Variants in PLCB3 observed in about 807,000 individuals in gnomAD.
The protein encoded by PLCB3 is 1-phosphatidylinositol 4,5-bisphosphate phosphodiesterase beta-3.
Under a neutral mutation model 152.1 loss-of-function variants are expected in PLCB3, and 54 were observed. The ratio of observed to expected loss-of-function variants is 0.36; its 90% CI spans 0.29 to 0.45. The LOEUF (loss-of-function observed/expected upper bound fraction) is 0.45, where lower values mean the gene tolerates loss of function less well. Among genes scored for constraint, PLCB3 ranks in the 20% least tolerant of loss-of-function variants. The pLI is 1.00. For synonymous variants in PLCB3, 717 were observed against 698.7 expected, an observed-to-expected ratio of 1.03 and a Z score of -0.41; for missense variants, 1,248 against 1,687.5, an observed-to-expected ratio of 0.74 and a Z score of 4.56.
intron 17 of PLCB3, 118 bp from the exon 18 acceptor site, chr11:64,262,289 T>C: frequency 7.3e-7 from 1 of 1,375,806 alleles, no homozygotes; most frequent in Non-Finnish European, 1.0e-6. Flanking sequence ...CTGATGCCAT[T>C]TGAGCCCGCC....
chr11:64,267,301 C>CGGGGTGCAAGGCAGCCAGGCCTCGCCT lies in PLCB3; in HGVS notation c.3501+32_3502-24dup. 8 of 1,550,550 alleles carry CGGGGTGCAAGGCAGCCAGGCCTCGCCT rather than the reference C, an allele frequency of 5.2e-6. No individual in the cohort carries two copies. Among genetic ancestry groups the CGGGGTGCAAGGCAGCCAGGCCTCGCCT allele is most frequent in the Non-Finnish European group, 7.0e-6 (8 of 1,146,656 alleles). ...GGCCATGGGCGAACAGGTGGGCAGA[C>CGGGGTGCAAGGCAGCCAGGCCTCGCCT]GGGGTGCAAGGCAGCCAGGCCTCGC... is the stretch of plus-strand genomic sequence containing the variant. On this transcript the variant is annotated intron_variant, in intron 30 of 30. Transcript: ENST00000279230. This position sits in a 1 kb window ranked among gnomAD's most constrained non-coding sequence, Gnocchi z 5.2.
rs376237126 is a variant in PLCB3, at chr11:64,265,326, G to C, written c.2859G>C (p.Pro953=). Residue 953 remains proline, a synonymous_variant, in exon 25 of 31, where the codon CCG becomes CCC. Coordinates refer to ENST00000279230, the MANE Select transcript of PLCB3 (RefSeq NM_000932.5). ...CGCTCCCAGAGGTGGCCCCCACCCC[G>C]CTGGATGAGCTCCGAGGTCACAAGG... is the stretch of plus-strand genomic sequence containing the variant. ...ASILSEVAPT[P]LDELRGHKAL... The C allele has an allele frequency of 1.9e-6, 3 of 1,549,702 alleles. No individual in the cohort carries two copies. Among genetic ancestry groups the C allele is most frequent in the Non-Finnish European group, 2.6e-6 (3 of 1,138,550 alleles).
rs1393739611 is a variant in PLCB3, at chr11:64,267,437, C to G, written c.3586C>G (p.Pro1196Ala). ...EIRRSLLGEMPEGLGDGPLVA... is the reference protein window; with the variant it reads ...EIRRSLLGEMAEGLGDGPLVA... ...CCGCCGGAGCCTGCTGGGCGAGATGCCGGAGGGGCTGGGGGACGGGCCTCT... is the reference window on the plus strand; with the variant it reads ...CCGCCGGAGCCTGCTGGGCGAGATGGCGGAGGGGCTGGGGGACGGGCCTCT... The change falls in exon 31 of 31, where the codon CCG (proline) becomes GCG (alanine). Residue 1196 changes from proline to alanine, a missense_variant. Physicochemically the swap from Pro to Ala is conservative, Grantham distance 27. Around this residue, in one of 6 missense-constraint regions of PLCB3, gnomAD observed 477 missense variants for 489.6 expected, o/e 0.97. Transcript: ENST00000279230. The surrounding 1 kb of genome is among the most constrained non-coding windows in gnomAD (Gnocchi z 5.2). 16 of 1,547,738 alleles carry G rather than the reference C, an allele frequency of 1.0e-5. No homozygotes were observed. Among genetic ancestry groups the G allele is most frequent in the Non-Finnish European group, 9.6e-6 (11 of 1,148,076 alleles).
At chr11:64,261,275 C>T (rs999014933) in intron 14 of PLCB3, 125 bp from the exon 15 acceptor site, 6 of 740,208 alleles carry the variant, frequency 8.1e-6, no homozygotes, top group South Asian at 3.0e-5. Context: ...AGAAGACTGT[C>T]GGCACCACCA....
At chr11:64,260,259 C>A (rs761583520) in intron 14 of PLCB3, 25 bp downstream of exon 14, 1 of 1,521,272 alleles carries the variant, frequency 6.6e-7, no homozygotes, top group South Asian at 1.2e-5. Context: ...GTGGGCAGGT[C>A]GGGGAGGTAG....
chr11:64,262,706 G>C lies in PLCB3; in HGVS notation c.2253G>C (p.Met751Ile). The change falls in exon 19 of 31, where the codon ATG (methionine) becomes ATC (isoleucine). Residue 751 changes from methionine to isoleucine, a missense_variant. Physicochemically the swap from Met to Ile is conservative, Grantham distance 10 (BLOSUM62 1). Transcript: ENST00000279230. ...TGGGCATCTACGTGGAGGTGGACAT[G>C]TTTGGCCTCCCTGTTGATACGCGGC... is the stretch of plus-strand genomic sequence containing the variant. ...RKVGIYVEVD[M>I]FGLPVDTRRK... The C allele has an allele frequency of 6.2e-7, 1 of 1,613,992 alleles. No individual in the cohort carries two copies. Among genetic ancestry groups the C allele is most frequent in the Non-Finnish European group, 8.5e-7 (1 of 1,180,024 alleles).
Position 64,266,503 on chromosome 11 carries a change from C to G in PLCB3, c.3365C>G (p.Thr1122Arg), listed in dbSNP as rs575846795. ...GCGTTGCTCCCGTGCAGGGAACTGA[C>G]GGAGATTAACCGTCGGCACATCACT... Reference protein sequence around the residue: ...RDKHKKEAELTEINRRHITES... With the variant: ...RDKHKKEAELREINRRHITES... Residue 1122 changes from threonine (T) to arginine (R), a missense_variant, in exon 29 of 31, where the codon ACG becomes AGG. By Grantham distance (71) the Thr-to-Arg change is moderately conservative. This residue lies in a region of PLCB3 where 477 missense variants were observed against 489.6 expected (regional missense o/e 0.97). Transcript: ENST00000279230. This position sits in a 1 kb window ranked among gnomAD's most constrained non-coding sequence, Gnocchi z 4.9. The G allele has an allele frequency of 1.9e-6, 3 of 1,613,864 alleles. No homozygotes were observed. The highest frequency in any genetic ancestry group is 2.2e-5 in the South Asian group (2 of 91,074).
At chr11:64,256,021 T>C (rs1200788922) in intron 8 of PLCB3, among the ~76,000 whole-genome samples, 200 bp downstream of exon 8, 1 of 152,084 alleles carries the variant, frequency 6.6e-6, no homozygotes, top group Non-Finnish European at 1.5e-5. Context: ...TACAGGCAGC[T>C]CTGGGCTAAC....
intron 8 of PLCB3, 99 bp from the exon 9 acceptor site, chr11:64,256,277 G>C (rs1331000037): frequency 4.6e-6 from 5 of 1,094,030 alleles, no homozygotes; most frequent in Non-Finnish European, 5.3e-6. Context: ...GCCAGATCCA[G>C]GGGCAGGCCT....
intron 17 of PLCB3, 76 bp downstream of exon 17, chr11:64,262,152 GCCTGAATGGA>G: frequency 6.3e-7 from 1 of 1,583,802 alleles, no homozygotes; most frequent in South Asian, 1.1e-5. Flanking sequence ...TGCTGGTCTT[GCCTGAATGGA>G]CCTCTGACCC....
chr11:64,259,977 C>T, intron 13 of PLCB3, 52 bp from the exon 14 acceptor site: 2 of 1,496,640 alleles, frequency 1.3e-6, no homozygotes, highest in South Asian at 1.2e-5. Flanking sequence ...TCCAGACTTC[C>T]TAAGCAGCTG....
rs2031970700 is a variant in PLCB3 at position 64,263,711 on chromosome 11, C to T, written c.2476C>T (p.Arg826Trp). Residue 826 changes from arginine to tryptophan, a missense_variant, in exon 21 of 31, where the codon CGG (arginine) becomes TGG (tryptophan). Arg to Trp is a moderately radical substitution (Grantham distance 101). Around this residue, in one of 6 missense-constraint regions of PLCB3, gnomAD observed 244 missense variants for 424.4 expected, o/e 0.57. Coordinates refer to ENST00000279230, the MANE Select transcript of PLCB3 (RefSeq NM_000932.5). ...IRSGYHYVCL[R>W]NEANQPLCLP... ...CCCAGGATACCACTACGTCTGCCTG[C>T]GGAACGAGGCCAACCAACCGCTGTG... The T allele has an allele frequency of 1.2e-6, 2 of 1,613,426 alleles. No individual in the cohort carries two copies. Among genetic ancestry groups the T allele is most frequent in the Non-Finnish European group, 8.5e-7 (1 of 1,179,838 alleles).
rs1305518032 is a variant in PLCB3, at chr11:64,258,477, G to A, written c.1017G>A (p.Gly339=). The A allele has an allele frequency of 6.2e-7, 1 of 1,612,316 alleles. No individual in the cohort carries two copies. Among genetic ancestry groups the A allele is most frequent in the Non-Finnish European group, 8.5e-7 (1 of 1,179,434 alleles). The change falls in exon 11 of 31, where the codon GGG becomes GGA. Residue 339 remains glycine, a synonymous_variant. Coordinates refer to ENST00000279230, the MANE Select transcript of PLCB3 (RefSeq NM_000932.5). The surrounding 1 kb of genome is among the most constrained non-coding windows in gnomAD (Gnocchi z 7.2). The part of the protein sequence containing the change: ...NSSHNTYLTA[G]QLAGTSSVEM... ...GACAGAGCCTCGCCGCCCCAGCGGG[G>A]CAGCTGGCTGGGACCTCGTCGGTGG...
chr11:64,267,749 T>G lies in PLCB3; in HGVS notation c.*193T>G, dbSNP rs753820893. On this transcript the variant is annotated 3_prime_UTR_variant, in exon 31 of 31. Coordinates refer to ENST00000279230, the MANE Select transcript of PLCB3 (RefSeq NM_000932.5). The surrounding 1 kb of genome is among the most constrained non-coding windows in gnomAD (Gnocchi z 5.2). ...CTCCTTCCTGCCCTCAGTCTTAGGT[T>G]AGGGCCTTGGTCAGGGCTTTGCTCC... The G allele has an allele frequency of 7.5e-5, 43 of 575,492 alleles. No individual in the cohort carries two copies. The highest frequency in any genetic ancestry group is 1.2e-4 in the Non-Finnish European group (38 of 329,554). 35.6% of individuals were successfully genotyped at this position (575,492 alleles called of 1,614,324 possible).
At position 64,266,071 on chromosome 11, in the gene PLCB3, G is replaced by C. The variant is rs768472749; in HGVS notation, c.3189+32G>C. The C allele has an allele frequency of 2.5e-6, 4 of 1,613,960 alleles. No homozygotes were observed. In the Admixed American group the frequency reaches 6.7e-5, roughly 27 times the overall value. Reference sequence around the variant, plus strand: ...GGCCTGCAGTGGCCAGGGAAAGCCTGCTGGATAGACCCGTCGTCAGCCCGG... The same window carrying C: ...GGCCTGCAGTGGCCAGGGAAAGCCTCCTGGATAGACCCGTCGTCAGCCCGG... On this transcript the variant is annotated intron_variant, in intron 26 of 30. Coordinates refer to ENST00000279230, the MANE Select transcript of PLCB3 (RefSeq NM_000932.5). The surrounding 1 kb of genome is among the most constrained non-coding windows in gnomAD (Gnocchi z 4.9).
At chr11:64,259,034 C>T in intron 12 of PLCB3, 24 bp from the exon 13 acceptor site, 2 of 1,611,976 alleles carry the variant, frequency 1.2e-6, no homozygotes, top group East Asian at 2.2e-5. Context: ...GGTCCAGGGC[C>T]CTGACTCGTC....
At chr11:64,269,377 CAATA>C (rs1262041284), downstream of PLCB3, among the ~76,000 whole-genome samples, 3 of 152,246 alleles carry the variant, frequency 2.0e-5, no homozygotes, top group South Asian at 4.1e-4. Flanking sequence ...TAGGGGGCGC[CAATA>C]AATCTTTCTG....
chr11:64,257,697 G>A (rs1346172353), intron 10 of PLCB3, among the ~76,000 whole-genome samples: 2 of 152,066 alleles, frequency 1.3e-5, no homozygotes, highest in Non-Finnish European at 2.9e-5. Context: ...GGAGATAGGT[G>A]CCTGCTAAGA....
At chr11:64,264,449 G>C (rs911847517) in intron 22 of PLCB3, among the ~76,000 whole-genome samples, 1 of 152,154 alleles carries the variant, frequency 6.6e-6, no homozygotes, top group Non-Finnish European at 1.5e-5. Flanking sequence ...GGTCAGGCAC[G>C]GAGGTTCACC....
Sources: gnomAD v4.1 joint callset for allele counts (sites outside exome capture counted in the v4.1 genomes callset) on GRCh38, gnomAD v4.1.1 for gene constraint, gnomAD v4.1.1 regional missense constraint, Gnocchi (gnomAD v3.1) non-coding constraint, MANE v1.5 for transcripts, NCBI Gene and HGNC (gene_info 2026-07-23, HGNC 2026-07-21) for gene names.